Variants in SCRG1 observed in about 807,000 individuals in gnomAD.
SCRG1 encodes scrapie-responsive protein 1.
In SCRG1, 3 loss-of-function variants were observed where a neutral mutation model predicts 7.7. That is an observed-to-expected ratio of 0.39 (90% CI 0.18 to 1.01). The LOEUF (loss-of-function observed/expected upper bound fraction) is 1.01, where lower values mean the gene tolerates loss of function less well. Ranked by LOEUF, SCRG1 falls within the 50% of genes least tolerant of loss-of-function variation. The probability of loss-of-function intolerance (pLI) is 0.36; values close to 1 mark genes in which losing one functional copy is unlikely to be tolerated. For synonymous variants in SCRG1, 46 were observed against 41.2 expected (o/e 1.12, Z -0.44); for missense variants, 110 against 117.2 (o/e 0.94, Z 0.28).
chr4:173,459,714 G>A, the SCRG1 span, among the ~76,000 whole-genome samples: 432 of 152,268 alleles, frequency 2.8e-3, 2 homozygotes, highest in African/African-American at 9.8e-3. Context: ...TTTATCTCAG[G>A]GAGGTAGAAA....
the SCRG1 span, among the ~76,000 whole-genome samples, chr4:173,418,679 T>C: frequency 6.6e-6 from 1 of 152,160 alleles, no homozygotes; most frequent in Non-Finnish European, 1.5e-5. Context: ...CCAAATCTCA[T>C]GTCAAATTGT....
At chr4:173,475,309 A>G in the SCRG1 span, among the ~76,000 whole-genome samples, 2 of 152,220 alleles carry the variant, frequency 1.3e-5, no homozygotes, top group African/African-American at 4.8e-5. Context: ...GATGTTTGTC[A>G]CAATAACTGG....
chr4:173,483,324 A>C, the SCRG1 span, among the ~76,000 whole-genome samples: 11 of 59,698 alleles, frequency 1.8e-4, 1 homozygote, highest in Admixed American at 1.5e-3. Flanking sequence ...CATATCATAT[A>C]TTATATATTA....
At chr4:173,401,543 G>T (rs1323337901), upstream of SCRG1, among the ~76,000 whole-genome samples, 1 of 152,072 alleles carries the variant, frequency 6.6e-6, no homozygotes, top group Non-Finnish European at 1.5e-5. Context: ...CCCTTATTGT[G>T]TTGCTTATTT....
chr4:173,434,793 G>A, the SCRG1 span, among the ~76,000 whole-genome samples: 3 of 152,132 alleles, frequency 2.0e-5, no homozygotes, highest in Non-Finnish European at 2.9e-5. Context: ...ATCGTGCCAC[G>A]GCACTCTAGC....
chr4:173,448,234 T>G, the SCRG1 span, among the ~76,000 whole-genome samples: 3 of 152,368 alleles, frequency 2.0e-5, no homozygotes, highest in South Asian at 6.2e-4. Flanking sequence ...TAGCCAAGTC[T>G]ATAAACTCAA....
chr4:173,470,918 A>G, the SCRG1 span, among the ~76,000 whole-genome samples: 1 of 152,232 alleles, frequency 6.6e-6, no homozygotes, highest in African/African-American at 2.4e-5. Flanking sequence ...GGCATGAATT[A>G]AAATGAAATA....
At chr4:173,512,013 A>G in the SCRG1 span, among the ~76,000 whole-genome samples, 1 of 152,334 alleles carries the variant, frequency 6.6e-6, no homozygotes, top group African/African-American at 2.4e-5. Flanking sequence ...TCATCAGAAC[A>G]CAAGCATCAG....
the SCRG1 span, among the ~76,000 whole-genome samples, chr4:173,470,809 AT>A: frequency 6.6e-6 from 1 of 152,246 alleles, no homozygotes; most frequent in African/African-American, 2.4e-5. Flanking sequence ...GGTAAATAAA[AT>A]TAATAAACTT....
chr4:173,429,240 C>T, the SCRG1 span, among the ~76,000 whole-genome samples: 1 of 151,998 alleles, frequency 6.6e-6, no homozygotes, highest in African/African-American at 2.4e-5. Flanking sequence ...TTCAAGGAAC[C>T]TTTCTAGTAA....
At chr4:173,485,471 G>A in the SCRG1 span, among the ~76,000 whole-genome samples, 8 of 151,510 alleles carry the variant, frequency 5.3e-5, no homozygotes, top group African/African-American at 1.7e-4. Flanking sequence ...GGCTGCCTGA[G>A]TGATCCCAGA....
the SCRG1 span, among the ~76,000 whole-genome samples, chr4:173,427,819 G>A: frequency 6.6e-6 from 1 of 152,204 alleles, no homozygotes; most frequent in East Asian, 1.9e-4. Flanking sequence ...ATAGCAGGTT[G>A]CTAAAAGAGT....
At chr4:173,496,769 G>T in the SCRG1 span, among the ~76,000 whole-genome samples, 1 of 152,144 alleles carries the variant, frequency 6.6e-6, no homozygotes, top group African/African-American at 2.4e-5. Context: ...CAGGGAGAAG[G>T]TTTAATATAA....
At chr4:173,410,064 G>T (rs2126927517), upstream of SCRG1, among the ~76,000 whole-genome samples, 1 of 152,198 alleles carries the variant, frequency 6.6e-6, no homozygotes, top group East Asian at 1.9e-4. Flanking sequence ...ACCTGGGGAA[G>T]GGATCTCCGT....
chr4:173,416,973 CCACA>C, the SCRG1 span, among the ~76,000 whole-genome samples: 1 of 143,060 alleles, frequency 7.0e-6, no homozygotes, highest in Admixed American at 7.0e-5. Flanking sequence ...ATCACACACA[CCACA>C]CACACACCCC....
the SCRG1 span, among the ~76,000 whole-genome samples, chr4:173,493,365 T>A: frequency 6.6e-6 from 1 of 152,054 alleles, no homozygotes; most frequent in Non-Finnish European, 1.5e-5. Context: ...TGATTGTAAG[T>A]TTCCTGAGGA....
the SCRG1 span, among the ~76,000 whole-genome samples, chr4:173,441,708 C>G: frequency 6.6e-6 from 1 of 152,080 alleles, no homozygotes; most frequent in African/African-American, 2.4e-5. Flanking sequence ...AAGTCTTGTC[C>G]TCAAAAAGTC....
At chr4:173,514,600 A>AG in the SCRG1 span, among the ~76,000 whole-genome samples, 7 of 152,238 alleles carry the variant, frequency 4.6e-5, no homozygotes, top group Admixed American at 4.6e-4. Context: ...TCAGAAACAA[A>AG]GGGATCAACT....
the SCRG1 span, among the ~76,000 whole-genome samples, chr4:173,430,119 A>G: frequency 1.3e-5 from 2 of 152,166 alleles, no homozygotes; most frequent in African/African-American, 4.8e-5. Context: ...CCTTAAATAA[A>G]GAACTTTTGA....
Sources: allele counts gnomAD v4.1 joint callset (sites outside exome capture counted in the v4.1 genomes callset), GRCh38; gene constraint gnomAD v4.1.1; transcripts MANE v1.5; gene names NCBI Gene and HGNC (gene_info 2026-07-23, HGNC 2026-07-21).